Variants in CFAP36 observed in about 807,000 individuals in gnomAD.
CFAP36 encodes cilia and flagella associated protein 36, also known as cilia- and flagella-associated protein 36.
CFAP36 carries 37 observed loss-of-function variants against 50.5 expected under a neutral mutation model. The ratio of observed to expected loss-of-function variants is 0.73; its 90% CI spans 0.56 to 0.96. CFAP36 has a LOEUF of 0.96. CFAP36 is among the 50% of genes least tolerant of loss of function. The pLI, the probability that CFAP36 is intolerant of heterozygous loss-of-function variation, is 0.00. For synonymous variants in CFAP36, 138 were observed against 128.2 expected, an observed-to-expected ratio of 1.08 and a Z score of -0.52; for missense variants, 407 against 396.2, an observed-to-expected ratio of 1.03 and a Z score of -0.23.
Position 55,521,634 on chromosome 2 carries a change from T to G in CFAP36, c.116-468T>G, listed in dbSNP as rs181983906. 9.2e-4 allele frequency among the ~76,000 whole-genome samples: 139 copies of G among 151,114 alleles called. 2 individuals carry two copies. Among genetic ancestry groups the G allele is most frequent in the African/African-American group, 3.1e-3 (126 of 41,244 alleles). On this transcript the variant is annotated intron_variant, in intron 1 of 9. Transcript: ENST00000349456. Reference sequence around the variant, plus strand: ...GTGTGTGTGTGTGTATATTTTTTTTTCTTTTTTTTTTTTGAGATGGAGTCT... The same window carrying G: ...GTGTGTGTGTGTGTATATTTTTTTTGCTTTTTTTTTTTTGAGATGGAGTCT...
chr2:55,542,212 C>G (rs1558915624), intron 7 of CFAP36, among the ~76,000 whole-genome samples: 1 of 152,188 alleles, frequency 6.6e-6, no homozygotes, highest in East Asian at 1.9e-4. Context: ...GCTTTCTTAT[C>G]TAAGTGAAGC....
rs1684464805 is a variant in CFAP36 at position 55,535,744 on chromosome 2, AAAGG to A, written c.522_525del (p.Lys175GlyfsTer22). On this transcript the variant is annotated frameshift_variant, in exon 6 of 10. Transcript: ENST00000349456. LOFTEE classifies it high-confidence loss of function. ...AAAGAGGAATATGACCAGGAAGAAG[AAAGG>A]AAGAGGAAAAAACAGGTGCCTACAG... 2 of 1,550,674 alleles carry A rather than the reference AAAGG, an allele frequency of 1.3e-6. No individual in the cohort carries two copies. The highest frequency in any genetic ancestry group is 1.7e-6 in the Non-Finnish European group (2 of 1,158,880).
At chr2:55,526,785 G>T (rs1371009475) in intron 3 of CFAP36, among the ~76,000 whole-genome samples, 1 of 152,118 alleles carries the variant, frequency 6.6e-6, no homozygotes, top group African/African-American at 2.4e-5. Flanking sequence ...GCTTTGGGAG[G>T]CTGAGGCAGG....
At chr2:55,534,108 G>T in intron 5 of CFAP36, 148 bp downstream of exon 5, 2 of 495,760 alleles carry the variant, frequency 4.0e-6, no homozygotes, top group Non-Finnish European at 3.6e-6. Context: ...TATGACTGTG[G>T]ATATATTTCT....
intron 4 of CFAP36, among the ~76,000 whole-genome samples, 171 bp from the exon 5 acceptor site, chr2:55,533,702 A>AT (rs1553454874): frequency 2.5e-5 from 3 of 121,138 alleles, no homozygotes; most frequent in African/African-American, 8.1e-5. Flanking sequence ...CTCAAAAAAA[A>AT]AAAAAAATAT....
intron 9 of CFAP36, 49 bp downstream of exon 9, chr2:55,544,418 T>G (rs753172304): frequency 4.5e-6 from 7 of 1,551,898 alleles, no homozygotes; most frequent in East Asian, 2.3e-5. Context: ...GTGGTGGAAC[T>G]ATCAAAATCA....
intron 7 of CFAP36, 42 bp downstream of exon 7, chr2:55,537,627 AC>A (rs761018921): frequency 1.6e-5 from 6 of 374,634 alleles, no homozygotes; most frequent in Non-Finnish European, 2.8e-5. Flanking sequence ...TAATATGAAT[AC>A]ATAAACACCA....
At chr2:55,538,635 T>C (rs1295578208) in intron 7 of CFAP36, 1 of 636,136 alleles carries the variant, frequency 1.6e-6, no homozygotes, top group Non-Finnish European at 2.7e-6. Flanking sequence ...TTGAGTCGGG[T>C]GTTGCTGTGT....
At chr2:55,521,358 A>T (rs950614130) in intron 1 of CFAP36, among the ~76,000 whole-genome samples, 1 of 152,104 alleles carries the variant, frequency 6.6e-6, no homozygotes, top group Admixed American at 6.6e-5. Context: ...CTGTGGTAAC[A>T]AAAATTGCCT....
rs748816756 is a variant in CFAP36, at chr2:55,544,374, G to T, written c.927+5G>T. 1.9e-6 allele frequency: 3 copies of T among 1,603,252 alleles called. No homozygotes were observed. The Admixed American group carries it at 5.3e-5, about 28-fold the overall frequency. ...AAACCCACTGGGGAGGTAGAGGTATGGCTAGCCTTAATATGTCAAGATTTA... is the reference window on the plus strand; with the variant it reads ...AAACCCACTGGGGAGGTAGAGGTATTGCTAGCCTTAATATGTCAAGATTTA... On this transcript the variant is annotated splice_donor_5th_base_variant and intron_variant, in intron 9 of 9. Transcript: ENST00000349456.
intron 5 of CFAP36, 144 bp downstream of exon 5, chr2:55,534,104 T>C: frequency 2.0e-6 from 1 of 498,584 alleles, no homozygotes; most frequent in Non-Finnish European, 3.6e-6. Flanking sequence ...AATTTATGAC[T>C]GTGGATATAT....
At chr2:55,539,048 G>C (rs1684566712) in intron 7 of CFAP36, 3 of 645,330 alleles carry the variant, frequency 4.6e-6, no homozygotes, top group Non-Finnish European at 6.5e-6. Context: ...TACATGCCTA[G>C]CCTCTCCCAT....
At chr2:55,537,653 C>T in intron 7 of CFAP36, 68 bp downstream of exon 7, 1 of 1,004,580 alleles carries the variant, frequency 1.0e-6, no homozygotes, top group Non-Finnish European at 1.5e-6. Flanking sequence ...GAATGTGCCA[C>T]TTTCTCATAC....
chr2:55,523,849 C>T, intron 3 of CFAP36, 27 bp downstream of exon 3: 1 of 1,450,776 alleles, frequency 6.9e-7, no homozygotes. Flanking sequence ...ATTCTGCTAA[C>T]ATACAGTTTT....
chr2:55,533,803 C>T lies in CFAP36; in HGVS notation c.398-70C>T, dbSNP rs1482872042. On this transcript the variant is annotated intron_variant, in intron 4 of 9. Coordinates refer to ENST00000349456, the MANE Select transcript of CFAP36 (RefSeq NM_080667.7). ...CTGAAGGTAACTTGTACTTAAGGAA[C>T]GAGAACAGTGAGAAATATATGTTTT... is the stretch of plus-strand genomic sequence containing the variant. 59 of 862,706 alleles carry T rather than the reference C, an allele frequency of 6.8e-5. No individual in the cohort carries two copies. The East Asian group carries it at 1.4e-3, about 20-fold the overall frequency. The allele number at this position is 862,706 out of a possible 1,614,324, so 53.4% of individuals were successfully genotyped here. A position where few individuals can be genotyped will look rare whatever the true frequency, so the allele number is the denominator to read the frequency against.
chr2:55,523,892 T>C lies in CFAP36; in HGVS notation c.282+70T>C, dbSNP rs896101600. 5 of 899,862 alleles carry C rather than the reference T, an allele frequency of 5.6e-6. No individual in the cohort carries two copies. The African/African-American group carries it at 8.4e-5, about 15-fold the overall frequency. 55.7% of individuals were successfully genotyped at this position (899,862 alleles called of 1,614,324 possible). A position where few individuals can be genotyped will look rare whatever the true frequency, so the allele number is the denominator to read the frequency against. ...GCCCAGGGTTAAACACTCACTTAAATTTGAATGTTTGATTGACAAAGTGTA... is the reference window on the plus strand; with the variant it reads ...GCCCAGGGTTAAACACTCACTTAAACTTGAATGTTTGATTGACAAAGTGTA... On this transcript the variant is annotated intron_variant, in intron 3 of 9. Coordinates refer to ENST00000349456, the MANE Select transcript of CFAP36 (RefSeq NM_080667.7).
At chr2:55,544,836 G>A (rs1198891700) in intron 9 of CFAP36, 71 bp from the exon 10 acceptor site, 48 of 960,068 alleles carry the variant, frequency 5.0e-5, no homozygotes, top group South Asian at 6.5e-5. Context: ...GTTCATTTGA[G>A]GCAGTATGTT....
chr2:55,535,054 G>C (rs915172527), intron 5 of CFAP36, among the ~76,000 whole-genome samples: 8 of 152,310 alleles, frequency 5.3e-5, no homozygotes, highest in Middle Eastern at 3.4e-3. Context: ...GACTGGTAAA[G>C]TTTTGATTTG....
At chr2:55,544,621 A>G (rs1379486031) in intron 9 of CFAP36, among the ~76,000 whole-genome samples, 1 of 152,070 alleles carries the variant, frequency 6.6e-6, no homozygotes, top group African/African-American at 2.4e-5. Flanking sequence ...TTCTCTGAGT[A>G]TGTCAGGGTT....
Sources: gnomAD v4.1 joint callset for allele counts (sites outside exome capture counted in the v4.1 genomes callset) on GRCh38, gnomAD v4.1.1 for gene constraint, MANE v1.5 for transcripts, NCBI Gene and HGNC (gene_info 2026-07-23, HGNC 2026-07-21) for gene names.